SH3TC1: variants seen among roughly 807,000 people sequenced by gnomAD.
SH3TC1 encodes SH3 domain and tetratricopeptide repeats 1, also known as SH3 domain and tetratricopeptide repeat-containing protein 1.
SH3TC1 carries 135 observed loss-of-function variants against 117.3 expected under a neutral mutation model. That is an observed-to-expected ratio of 1.15 (90% CI 1.00 to 1.33). SH3TC1 has a LOEUF of 1.33. SH3TC1 is among the 40% of genes most tolerant of loss of function. SH3TC1 has a pLI of 0.00. For missense variants in SH3TC1, 2,092 were observed against 1,794.3 expected, an observed-to-expected ratio of 1.17 and a Z score of -3.00; for synonymous variants, 898 against 816.9, an observed-to-expected ratio of 1.10 and a Z score of -1.69.
intron 12 of SH3TC1, among the ~76,000 whole-genome samples, chr4:8,229,656 T>C (rs928444281): frequency 4.0e-5 from 6 of 151,640 alleles, no homozygotes; most frequent in African/African-American, 1.5e-4. Context: ...CCTCAGGCTG[T>C]GGCTTGGCCT....
intron 17 of SH3TC1, among the ~76,000 whole-genome samples, chr4:8,239,081 T>C (rs1578761577): frequency 6.6e-6 from 1 of 152,162 alleles, no homozygotes; most frequent in Non-Finnish European, 1.5e-5. Flanking sequence ...CAGGGGTAAA[T>C]GGGCATCTTT....
intron 9 of SH3TC1, among the ~76,000 whole-genome samples, chr4:8,221,940 T>C (rs1719956723): frequency 7.9e-6 from 1 of 125,964 alleles, no homozygotes; most frequent in East Asian, 1.9e-4. Context: ...TGTAAGCTAC[T>C]CTAAGTTTTT....
chr4:8,228,446 G>A lies in SH3TC1; in HGVS notation c.2752G>A (p.Ala918Thr). 1 of 1,604,844 alleles carries A rather than the reference G, an allele frequency of 6.2e-7. No individual in the cohort carries two copies. ...NFGALCLHAGASRLAQHYLLE... is the reference protein window; with the variant it reads ...NFGALCLHAGTSRLAQHYLLE... ...CGGGGCCCTGTGCCTGCATGCGGGT[G>A]CCAGCAGGCTGGCCCAGCACTACCT... is the stretch of plus-strand genomic sequence containing the variant. Residue 918 changes from alanine (A) to threonine (T), a missense_variant, in exon 12 of 18, where the codon GCC becomes ACC. Transcript: ENST00000245105.
rs184763432 is a variant in SH3TC1, at chr4:8,212,773, G to A, written c.320G>A (p.Arg107Gln). ...LRDPGLQQTL[R>Q]GQLRLLENDS... ...GACCCCGGCCTACAGCAGACCCTCC[G>A]GGGCCAGCTCCGCCTGCTGGAGAAT... is the stretch of plus-strand genomic sequence containing the variant. The change falls in exon 4 of 18, where the codon CGG (arginine) becomes CAG (glutamine). Residue 107 changes from arginine (R) to glutamine (Q), a missense_variant. Physicochemically the swap from Arg to Gln is conservative, Grantham distance 43. Coordinates refer to ENST00000245105, the MANE Select transcript of SH3TC1 (RefSeq NM_018986.5). 71 of 1,611,532 alleles carry A rather than the reference G, an allele frequency of 4.4e-5. No individual in the cohort carries two copies. The highest frequency in any genetic ancestry group is 7.7e-5 in the South Asian group (7 of 90,630).
Position 8,233,376 on chromosome 4 carries a change from G to A in SH3TC1, c.3145G>A (p.Ala1049Thr), listed in dbSNP as rs147442685. Residue 1049 changes from alanine (A) to threonine (T), a missense_variant, in exon 14 of 18, where the codon GCA becomes ACA. By Grantham distance (58) the Ala-to-Thr change is moderately conservative (BLOSUM62 0). Coordinates refer to ENST00000245105, the MANE Select transcript of SH3TC1 (RefSeq NM_018986.5). ...GTCTGATACCAGGGCCTACAAATCC[G>A]CACTGGACTACACCAAACGAAGTCT... is the stretch of plus-strand genomic sequence containing the variant. ...SLGTERAYKS[A>T]LDYTKRSLGI... 6.6e-5 allele frequency: 107 copies of A among 1,611,062 alleles called. No homozygotes were observed. The Middle Eastern group carries it at 8.3e-4, about 12-fold the overall frequency.
rs1304178280 is a variant in SH3TC1, at chr4:8,190,680, G to T, written c.-57+8470G>T. Among the ~76,000 whole-genome samples, 1 of 151,894 alleles carries T rather than the reference G, an allele frequency of 6.6e-6. No homozygotes were observed. The highest frequency in any genetic ancestry group is 6.6e-5 in the Admixed American group (1 of 15,256). ...TTTGGAGACAGAGCCTGGCTCTGTC[G>T]CCCAGGCTGGAGTGCAGTAGTGTGG... On this transcript the variant is annotated intron_variant, in intron 1 of 16. Coordinates refer to the SH3TC1 transcript ENST00000508641. This position sits in a 1 kb window ranked among gnomAD's most constrained non-coding sequence, Gnocchi z 4.7.
At chr4:8,196,502 A>C (rs1180803063), upstream of SH3TC1, among the ~76,000 whole-genome samples, 1 of 152,196 alleles carries the variant, frequency 6.6e-6, no homozygotes, top group African/African-American at 2.4e-5. This position sits in a 1 kb window ranked among gnomAD's most constrained non-coding sequence, Gnocchi z 4.6. Context: ...CCAGGAAAGC[A>C]GCCCACATGG....
Position 8,225,158 on chromosome 4 carries a change from C to G in SH3TC1, c.1244-17C>G, listed in dbSNP as rs374697692. 1.3e-5 allele frequency: 21 copies of G among 1,613,598 alleles called. No individual in the cohort carries two copies. The African/African-American group carries it at 2.5e-4, about 19-fold the overall frequency. On this transcript the variant is annotated splice_polypyrimidine_tract_variant and intron_variant, in intron 10 of 17. Transcript: ENST00000245105. The surrounding 1 kb of genome is among the most constrained non-coding windows in gnomAD (Gnocchi z 5.5). Reference sequence around the variant, plus strand: ...CTGGCTGGGGGTGTTGATTGCTTCTCTTTTCTCCCTTGCCAGACTCAGTAG... The same window carrying G: ...CTGGCTGGGGGTGTTGATTGCTTCTGTTTTCTCCCTTGCCAGACTCAGTAG...
intron 1 of SH3TC1, among the ~76,000 whole-genome samples, chr4:8,203,474 G>A (rs1018068914): frequency 6.6e-6 from 1 of 152,054 alleles, no homozygotes; most frequent in African/African-American, 2.4e-5. Flanking sequence ...GACCGCCTCT[G>A]GGTTTTCAGG....
In SH3TC1 at chr4:8,227,488, C is replaced by T; in HGVS notation, c.1794C>T (p.Phe598=). The T allele has an allele frequency of 6.4e-7, 1 of 1,565,976 alleles. No homozygotes were observed. The highest frequency in any genetic ancestry group is 8.6e-7 in the Non-Finnish European group (1 of 1,161,432). ...TGGAGGGCAGCTTCGGGGACCTGTT[C>T]CTAGTGGTGGCTGTGTACGCCAACC... ...GALEGSFGDL[F]LVVAVYANLA... Residue 598 remains phenylalanine, a synonymous_variant, in exon 12 of 18, where the codon TTC becomes TTT. Coordinates refer to ENST00000245105, the MANE Select transcript of SH3TC1 (RefSeq NM_018986.5).
rs1483935408 is a variant in SH3TC1, at chr4:8,227,941, C to T, written c.2247C>T (p.Asn749=). The change falls in exon 12 of 18, where the codon AAC becomes AAT. Residue 749 remains asparagine, a synonymous_variant. Transcript: ENST00000245105. ...TGGCCGGCTCGCTGAGGAGTGTGAA[C>T]CTGGTGCTCCAGAACGCCCCCCAGC... ...GSLAGSLRSV[N]LVLQNAPQPH... 3 of 1,612,636 alleles carry T rather than the reference C, an allele frequency of 1.9e-6. No homozygotes were observed. The highest frequency in any genetic ancestry group is 2.2e-5 in the East Asian group (1 of 44,876).
chr4:8,186,094 T>C lies in SH3TC1; in HGVS notation c.-57+3884T>C, dbSNP rs1317962171. The stretch of plus-strand genomic sequence containing the variant: ...GGCCCCTCGCTGTTTTACTGTGGAG[T>C]TGTCGATTTTTTCCTCTGGTGCTTG... On this transcript the variant is annotated intron_variant, in intron 1 of 16. Coordinates refer to the SH3TC1 transcript ENST00000508641. This position sits in a 1 kb window ranked among gnomAD's most constrained non-coding sequence, Gnocchi z 5.2. 1.3e-5 allele frequency among the ~76,000 whole-genome samples: 2 copies of C among 151,952 alleles called. No homozygotes were observed. Among genetic ancestry groups the C allele is most frequent in the African/African-American group, 4.8e-5 (2 of 41,352 alleles).
chr4:8,216,309 G>A (rs539172619), intron 6 of SH3TC1, 52 bp downstream of exon 6: 50 of 1,581,364 alleles, frequency 3.2e-5, no homozygotes, highest in East Asian at 9.0e-5. Context: ...GGGCACTCCC[G>A]GGCCATGGGG....
At chr4:8,196,442 C>G (rs541550450), upstream of SH3TC1, among the ~76,000 whole-genome samples, 3 of 152,064 alleles carry the variant, frequency 2.0e-5, no homozygotes, top group South Asian at 6.3e-4. The surrounding 1 kb of genome is among the most constrained non-coding windows in gnomAD (Gnocchi z 4.6). Flanking sequence ...TGTGGGCATC[C>G]ACAGGTCCTG....
chr4:8,221,598 A>AT (rs1304563660), intron 9 of SH3TC1, among the ~76,000 whole-genome samples: 2 of 152,000 alleles, frequency 1.3e-5, no homozygotes, highest in Admixed American at 6.6e-5. Context: ...TTTCACTTCT[A>AT]TTTTTTTCTA....
chr4:8,221,446 T>C lies in SH3TC1; in HGVS notation c.1113-1394T>C, dbSNP rs12644352. 1.5e-3 allele frequency among the ~76,000 whole-genome samples: 220 copies of C among 148,126 alleles called. 4 individuals carry two copies. In the East Asian group the frequency reaches 0.031, roughly 21 times the overall value. ...TTAGTGAACAACCTGGTAGCTCTTC[T>C]TTTTTTTTTTCTTTAACTTTATTTT... On this transcript the variant is annotated intron_variant, in intron 9 of 17. Coordinates refer to ENST00000245105, the MANE Select transcript of SH3TC1 (RefSeq NM_018986.5).
In SH3TC1 at chr4:8,227,933, A is replaced by T; in HGVS notation, c.2239A>T (p.Ser747Cys). The part of the protein sequence containing the change: ...TRGSLAGSLR[S>C]VNLVLQNAPQ... ...GGGCTCGCTGGCCGGCTCGCTGAGG[A>T]GTGTGAACCTGGTGCTCCAGAACGC... The change falls in exon 12 of 18, where the codon AGT becomes TGT. Residue 747 changes from serine to cysteine, a missense_variant. Physicochemically the swap from Ser to Cys is moderately radical, Grantham distance 112. Coordinates refer to ENST00000245105, the MANE Select transcript of SH3TC1 (RefSeq NM_018986.5). 1 of 1,612,560 alleles carries T rather than the reference A, an allele frequency of 6.2e-7. No individual in the cohort carries two copies. The highest frequency in any genetic ancestry group is 8.5e-7 in the Non-Finnish European group (1 of 1,179,930).
intron 11 of SH3TC1, 131 bp from the exon 12 acceptor site, chr4:8,226,849 C>G (rs532246391): frequency 1.7e-6 from 1 of 571,836 alleles, no homozygotes; most frequent in African/African-American, 1.9e-5. Context: ...CATGGCAAGC[C>G]GGTAGGGTGG....
Position 8,205,425 on chromosome 4 carries a change from CG to C in SH3TC1, c.172+60del. On this transcript the variant is annotated intron_variant, in intron 2 of 17. Transcript: ENST00000245105. The surrounding 1 kb of genome is among the most constrained non-coding windows in gnomAD (Gnocchi z 5.4). The stretch of plus-strand genomic sequence containing the variant: ...ATCCCACCCACTTCTCCACCCCACC[CG>C]CCCCGTCCATCCATCCCTCACCACC... The C allele has an allele frequency of 6.5e-7, 1 of 1,532,096 alleles. No homozygotes were observed. Among genetic ancestry groups the C allele is most frequent in the Non-Finnish European group, 8.8e-7 (1 of 1,135,304 alleles). The allele number at this position is 1,532,096 out of a possible 1,614,324, so 94.9% of individuals were successfully genotyped here. A position where few individuals can be genotyped will look rare whatever the true frequency, so the allele number is the denominator to read the frequency against.
Sources: gnomAD v4.1 joint callset for allele counts (sites outside exome capture counted in the v4.1 genomes callset) on GRCh38, gnomAD v4.1.1 for gene constraint, Gnocchi (gnomAD v3.1) non-coding constraint, MANE v1.5 for transcripts, NCBI Gene and HGNC (gene_info 2026-07-23, HGNC 2026-07-21) for gene names.